CYB5RL: variants seen among roughly 807,000 people sequenced by gnomAD.
The protein encoded by CYB5RL is cytochrome b5 reductase like.
Under a neutral mutation model 37.5 loss-of-function variants are expected in CYB5RL, and 38 were observed. The ratio of observed to expected loss-of-function variants is 1.01; its 90% CI spans 0.78 to 1.33. CYB5RL has a LOEUF of 1.33. Among genes scored for constraint, CYB5RL ranks in the 40% most tolerant of loss-of-function variants. The probability of loss-of-function intolerance (pLI) is 0.00; values close to 1 mark genes in which losing one functional copy is unlikely to be tolerated. For missense variants in CYB5RL, 388 were observed against 394.4 expected (o/e 0.98, Z 0.14); for synonymous variants, 141 against 151.9 (o/e 0.93, Z 0.53).
At chr1:54,192,431 C>G (rs927599673) in intron 3 of CYB5RL, among the ~76,000 whole-genome samples, 1 of 151,710 alleles carries the variant, frequency 6.6e-6, no homozygotes, top group Non-Finnish European at 1.5e-5. Flanking sequence ...GTGATCCGCC[C>G]ACTTTGGCCT....
chr1:54,181,850 G>A (rs1660168637), intron 6 of CYB5RL, among the ~76,000 whole-genome samples: 1 of 152,232 alleles, frequency 6.6e-6, no homozygotes, highest in African/African-American at 2.4e-5. Flanking sequence ...CTACTTGGGA[G>A]GCTGAGGCAG....
rs778297027 is a variant in CYB5RL, at chr1:54,195,436, G to A, written c.181C>T (p.Arg61Cys). 28 of 1,600,956 alleles carry A rather than the reference G, an allele frequency of 1.7e-5. No homozygotes were observed. Among genetic ancestry groups the A allele is most frequent in the Middle Eastern group, 3.3e-4 (2 of 6,006 alleles). The change falls in exon 3 of 8, where the codon CGT becomes TGT. Residue 61 changes from arginine (R) to cysteine (C), a missense_variant. Physicochemically the swap from Arg to Cys is radical, Grantham distance 180. Transcript: ENST00000534324. The stretch of plus-strand genomic sequence containing the variant: ...TCTCTCACCTGTGACTCTGGCCCAC[G>A]CAGCAGGCTCCTGTCCTTGCTGGCT... ...AQASKDRSLL[R>C]GPESQSCPSK... is the part of the protein sequence containing the mutation.
At chr1:54,198,074 TTC>T (rs1644028693) in intron 1 of CYB5RL, among the ~76,000 whole-genome samples, 1 of 149,908 alleles carries the variant, frequency 6.7e-6, no homozygotes, top group African/African-American at 2.5e-5. Flanking sequence ...ATCTTATTCT[TTC>T]TGTATTCTAC....
chr1:54,182,623 C>T (rs1289440196), intron 6 of CYB5RL, among the ~76,000 whole-genome samples: 1 of 152,164 alleles, frequency 6.6e-6, no homozygotes, highest in Non-Finnish European at 1.5e-5. Flanking sequence ...GATCTCAGCT[C>T]ATTGCAACCT....
chr1:54,191,388 A>G (rs1643952574), intron 3 of CYB5RL, among the ~76,000 whole-genome samples: 1 of 152,174 alleles, frequency 6.6e-6, no homozygotes, highest in African/African-American at 2.4e-5. Flanking sequence ...AGTTGATGGG[A>G]CCTCAGAATG....
At position 54,197,856 on chromosome 1, in the gene CYB5RL, C is replaced by T. The variant is rs181164256; in HGVS notation, c.-222-1365G>A. Among the ~76,000 whole-genome samples, 577 of 151,812 alleles carry T rather than the reference C, an allele frequency of 3.8e-3. 2 individuals are homozygous for T. Among genetic ancestry groups the T allele is most frequent in the Non-Finnish European group, 5.3e-3 (357 of 67,968 alleles). ...CTAACACGGTGAAACCCCGTCTCTG[C>T]TAAAAATACAAAAACAAAAAAATTA... On this transcript the variant is annotated intron_variant, in intron 1 of 7. Transcript: ENST00000534324.
Position 54,171,750 on chromosome 1 carries a change from T to G in CYB5RL, c.*2869A>C. The G allele has an allele frequency of 3.1e-6, 1 of 317,568 alleles. No homozygotes were observed. The allele number at this position is 317,568 out of a possible 1,614,324, so 19.7% of individuals were successfully genotyped here. ...CTCCCACAACACGCAGTGGGCATCA[T>G]CAGAGGAACAGCAGCTGATGGGAAC... On this transcript the variant is annotated 3_prime_UTR_variant, in exon 8 of 8. Coordinates refer to ENST00000534324, the MANE Select transcript of CYB5RL (RefSeq NM_001031672.4).
At position 54,195,641 on chromosome 1, in the gene CYB5RL, G is replaced by C; in HGVS notation, c.-25C>G. The C allele has an allele frequency of 1.9e-6, 3 of 1,580,596 alleles. No individual in the cohort carries two copies. The highest frequency in any genetic ancestry group is 1.7e-6 in the Non-Finnish European group (2 of 1,159,452). On this transcript the variant is annotated 5_prime_UTR_variant, in exon 3 of 8. Coordinates refer to ENST00000534324, the MANE Select transcript of CYB5RL (RefSeq NM_001031672.4). ...TCAGTGGGGCTTGGGCAGCCTAGAA[G>C]GAACAACTGGGTGCTCTTCCAGAAC...
At chr1:54,194,029 G>GATAATAATAATAATA (rs35993013) in intron 3 of CYB5RL, among the ~76,000 whole-genome samples, 1 of 144,328 alleles carries the variant, frequency 6.9e-6, no homozygotes, top group African/African-American at 2.6e-5. Flanking sequence ...TAATAATAAT[G>GATAATAATAATAATA]ATAATAATAA....
At chr1:54,195,349 G>T in intron 3 of CYB5RL, 70 bp downstream of exon 3, 5 of 1,446,214 alleles carry the variant, frequency 3.5e-6, no homozygotes, top group Non-Finnish European at 4.6e-6. Flanking sequence ...CTTCCTAGAG[G>T]TGTGCTTTGC....
intron 5 of CYB5RL, chr1:54,185,138 A>C (rs559297563): frequency 1.3e-5 from 2 of 152,264 alleles, no homozygotes; most frequent in Non-Finnish European, 2.9e-5. Context: ...CCCCTTAAGG[A>C]GCTTACAATC....
In CYB5RL at chr1:54,184,158, G is replaced by T; in HGVS notation, c.540+3C>A. 6.2e-7 allele frequency: 1 copy of T among 1,612,028 alleles called. No individual in the cohort carries two copies. The highest frequency in any genetic ancestry group is 1.1e-5 in the South Asian group (1 of 90,482). On this transcript the variant is annotated splice_donor_region_variant and intron_variant, in intron 6 of 7. Coordinates refer to ENST00000534324, the MANE Select transcript of CYB5RL (RefSeq NM_001031672.4). ...CCTGAAGATTTAAGGTGCTGGCACT[G>T]ACCTGGTTTGGTTTATAGAAGAAAT... is the stretch of plus-strand genomic sequence containing the variant.
At chr1:54,197,484 C>T (rs12038480) in intron 1 of CYB5RL, among the ~76,000 whole-genome samples, 6,796 of 151,850 alleles carry the variant, frequency 0.045, 402 homozygotes, top group East Asian at 0.27. Context: ...ACACAATGCC[C>T]GGCTAGGTTT....
At chr1:54,176,439 G>A (rs574386711) in intron 7 of CYB5RL, among the ~76,000 whole-genome samples, 1 of 152,326 alleles carries the variant, frequency 6.6e-6, no homozygotes, top group South Asian at 2.1e-4. Context: ...ACTGAGGTAG[G>A]AGGATCATCT....
intron 6 of CYB5RL, chr1:54,180,264 A>G (rs1416434004): frequency 7.8e-6 from 3 of 383,154 alleles, no homozygotes; most frequent in Non-Finnish European, 1.5e-5. Flanking sequence ...GTGAGTTCCC[A>G]CCCCAGGAGG....
At chr1:54,196,520 T>C (rs1410242064) in intron 1 of CYB5RL, 29 bp from the exon 2 acceptor site, 1 of 152,088 alleles carries the variant, frequency 6.6e-6, no homozygotes, top group East Asian at 1.9e-4. Flanking sequence ...TAAAGTAAAA[T>C]ATATACCTAC....
In CYB5RL at chr1:54,175,160, C is replaced by T. The variant is rs138504152; in HGVS notation, c.745-338G>A. ...CACTGTGGGACGGATGTTTTCTCCC[C>T]TGACTGTGGGTTTCCCAGAATCTTT... On this transcript the variant is annotated intron_variant, in intron 7 of 7. Coordinates refer to ENST00000534324, the MANE Select transcript of CYB5RL (RefSeq NM_001031672.4). Among the ~76,000 whole-genome samples, 1,106 of 152,366 alleles carry T rather than the reference C, an allele frequency of 7.3e-3. 14 individuals carry two copies. Among genetic ancestry groups the T allele is most frequent in the Admixed American group, 0.012 (190 of 15,300 alleles).
rs1284830639 is a variant in CYB5RL at position 54,179,247 on chromosome 1, C to A, written c.646G>T (p.Val216Phe). ...NENDETFVTL[V>F]GCFKTFESIY... ...CTCTCAAAGGTCTTGAAGCAACCGA[C>A]CAGAGTGACAAAAGTCTCGTCATTC... Residue 216 changes from valine (V) to phenylalanine (F), a missense_variant, in exon 7 of 8, where the codon GTC becomes TTC. Val to Phe is a conservative substitution (Grantham distance 50, BLOSUM62 -1). Transcript: ENST00000534324. 1.9e-6 allele frequency: 3 copies of A among 1,613,844 alleles called. No individual in the cohort carries two copies. The highest frequency in any genetic ancestry group is 2.2e-5 in the East Asian group (1 of 44,872).
chr1:54,183,114 T>C (rs1660205746), intron 6 of CYB5RL, among the ~76,000 whole-genome samples: 1 of 152,242 alleles, frequency 6.6e-6, no homozygotes, highest in African/African-American at 2.4e-5. Flanking sequence ...TATTCAGTTT[T>C]GTACCTAGTG....
Sources: allele counts gnomAD v4.1 joint callset (sites outside exome capture counted in the v4.1 genomes callset), GRCh38; gene constraint gnomAD v4.1.1; transcripts MANE v1.5; gene names NCBI Gene and HGNC (gene_info 2026-07-23, HGNC 2026-07-21).